Variants in ZBED4 observed in about 807,000 individuals in gnomAD.
ZBED4 encodes the protein zinc finger BED domain-containing protein 4.
In ZBED4, 4 loss-of-function variants were observed where a neutral mutation model predicts 15.5. That is an observed-to-expected ratio of 0.26 (90% confidence interval 0.13 to 0.59). The LOEUF is 0.59. Ranked by LOEUF, ZBED4 falls within the 20% of genes least tolerant of loss-of-function variation. The pLI, the probability that ZBED4 is intolerant of heterozygous loss-of-function variation, is 0.90. For missense variants in ZBED4, 1,323 were observed against 1,461.8 expected, an observed-to-expected ratio of 0.91 and a Z score of 1.55; for synonymous variants, 692 against 608.5, an observed-to-expected ratio of 1.14 and a Z score of -2.02.
intron 1 of ZBED4, among the ~76,000 whole-genome samples, chr22:49,878,567 C>G (rs1439628338): frequency 6.6e-6 from 1 of 152,136 alleles, no homozygotes; most frequent in Non-Finnish European, 1.5e-5. Context: ...AAAAAATGAA[C>G]TTCAATCCTT....
intron 1 of ZBED4, among the ~76,000 whole-genome samples, chr22:49,880,167 C>T (rs2060401237): frequency 2.0e-5 from 3 of 152,136 alleles, no homozygotes. Flanking sequence ...CCTAACACGG[C>T]TTAAAAGAGC....
At chr22:49,872,737 C>T (rs1043718441) in intron 1 of ZBED4, among the ~76,000 whole-genome samples, 4 of 151,592 alleles carry the variant, frequency 2.6e-5, no homozygotes, top group South Asian at 2.1e-4. Context: ...TGGAGACTCA[C>T]TCCATCGCCC....
rs1326445599 is a variant in ZBED4, at chr22:49,887,336, C to A, written c.*158C>A. 2 of 690,154 alleles carry A rather than the reference C, an allele frequency of 2.9e-6. No individual in the cohort carries two copies. Among genetic ancestry groups the A allele is most frequent in the Non-Finnish European group, 4.6e-6 (2 of 434,490 alleles). The allele number at this position is 690,154 out of a possible 1,614,324, so 42.8% of individuals were successfully genotyped here. A position where few individuals can be genotyped will look rare whatever the true frequency, so the allele number is the denominator to read the frequency against. ...CACCACAGTGTCTCCACGTGCCTTA[C>A]CCCTTCTCCTTCAGGCCAAGTTTCG... On this transcript the variant is annotated 3_prime_UTR_variant, in exon 2 of 2. Transcript: ENST00000216268.
rs148873893 is a variant in ZBED4 at position 49,885,741 on chromosome 22, C to T, written c.2079C>T (p.Ser693=). The change falls in exon 2 of 2, where the codon TCC becomes TCT. Residue 693 remains serine, a synonymous_variant. Transcript: ENST00000216268. The part of the protein sequence containing the change: ...RLLEYLKPQY[S]LPAPSYFSRT... ...TTGAATACTTGAAACCTCAGTACTC[C>T]CTCCCCGCCCCTTCCTACTTCTCCA... 58 of 1,601,262 alleles carry T rather than the reference C, an allele frequency of 3.6e-5. No individual in the cohort carries two copies. In the African/African-American group the frequency reaches 5.8e-4, roughly 16 times the overall value.
In ZBED4 at chr22:49,868,114, A is replaced by G. The variant is rs1048514990; in HGVS notation, c.-330+14125A>G. On this transcript the variant is annotated intron_variant, in intron 1 of 1. Coordinates refer to ENST00000216268, the MANE Select transcript of ZBED4 (RefSeq NM_014838.3). ...ATCAGGGACCCACTTACCCATATTCATGGTTTGTCCCTTCCACTTACATTT... is the reference window on the plus strand; with the variant it reads ...ATCAGGGACCCACTTACCCATATTCGTGGTTTGTCCCTTCCACTTACATTT... Among the ~76,000 whole-genome samples, 39 of 152,190 alleles carry G rather than the reference A, an allele frequency of 2.6e-4. 1 individual carries two copies. The highest frequency in any genetic ancestry group is 8.4e-4 in the African/African-American group (35 of 41,446).
At position 49,887,335 on chromosome 22, in the gene ZBED4, AC is replaced by A; in HGVS notation, c.*161del. 1.4e-6 allele frequency: 1 copy of A among 699,542 alleles called. No individual in the cohort carries two copies. Among genetic ancestry groups the A allele is most frequent in the South Asian group, 3.0e-5 (1 of 33,078 alleles). The allele number at this position is 699,542 out of a possible 1,614,324, so 43.3% of individuals were successfully genotyped here. ...TCACCACAGTGTCTCCACGTGCCTT[AC>A]CCCTTCTCCTTCAGGCCAAGTTTCG... On this transcript the variant is annotated 3_prime_UTR_variant, in exon 2 of 2. Transcript: ENST00000216268.
Position 49,884,607 on chromosome 22 carries a change from G to A in ZBED4, c.945G>A (p.Arg315=). ...VCIHCMNEFS[R]GKNGKDLGTS... Reference sequence around the variant, plus strand: ...TTCACTGCATGAACGAGTTCAGCCGGGGGAAGAATGGGAAGGACCTGGGCA... The same window carrying A: ...TTCACTGCATGAACGAGTTCAGCCGAGGGAAGAATGGGAAGGACCTGGGCA... Residue 315 remains arginine, a synonymous_variant, in exon 2 of 2, where the codon CGG becomes CGA. Coordinates refer to ENST00000216268, the MANE Select transcript of ZBED4 (RefSeq NM_014838.3). 1 of 1,612,534 alleles carries A rather than the reference G, an allele frequency of 6.2e-7. No individual in the cohort carries two copies. The highest frequency in any genetic ancestry group is 8.5e-7 in the Non-Finnish European group (1 of 1,179,156).
chr22:49,873,723 A>G (rs1251898957), intron 1 of ZBED4, among the ~76,000 whole-genome samples: 1 of 152,196 alleles, frequency 6.6e-6, no homozygotes, highest in African/African-American at 2.4e-5. Flanking sequence ...TTCCCACCTC[A>G]TCACCCCCAC....
At chr22:49,875,620 C>T (rs1265500604) in intron 1 of ZBED4, among the ~76,000 whole-genome samples, 1 of 151,944 alleles carries the variant, frequency 6.6e-6, no homozygotes, top group African/African-American at 2.4e-5. Context: ...AGGGTTTCAC[C>T]ATGTTGGCCA....
At chr22:49,861,056 A>C (rs1297921527) in intron 1 of ZBED4, among the ~76,000 whole-genome samples, 1 of 151,770 alleles carries the variant, frequency 6.6e-6, no homozygotes, top group Non-Finnish European at 1.5e-5. Flanking sequence ...GATAATGGGC[A>C]TGAGCCACCA....
rs2060460125 is a variant in ZBED4 at position 49,890,030 on chromosome 22, A to G, written c.*2852A>G. 6.0e-6 allele frequency: 1 copy of G among 167,096 alleles called. No individual in the cohort carries two copies. The allele number at this position is 167,096 out of a possible 1,614,324, so 10.4% of individuals were successfully genotyped here. ...GGGACTTTAAAAAATTTGTGGAAATACTGAAGTAAAAGATGATAAAAAAAT... is the reference window on the plus strand; with the variant it reads ...GGGACTTTAAAAAATTTGTGGAAATGCTGAAGTAAAAGATGATAAAAAAAT... On this transcript the variant is annotated 3_prime_UTR_variant, in exon 2 of 2. Transcript: ENST00000216268.
rs749701905 is a variant in ZBED4 at position 49,885,079 on chromosome 22, C to T, written c.1417C>T (p.Leu473Phe). The T allele has an allele frequency of 1.9e-6, 3 of 1,613,182 alleles. No individual in the cohort carries two copies. The highest frequency in any genetic ancestry group is 1.1e-5 in the South Asian group (1 of 90,974). Residue 473 changes from leucine to phenylalanine, a missense_variant, in exon 2 of 2, where the codon CTC becomes TTC. Coordinates refer to ENST00000216268, the MANE Select transcript of ZBED4 (RefSeq NM_014838.3). The part of the protein sequence containing the change: ...HHFSLAPMDS[L>F]KAECRYCGCA... ...CTTCTCCCTGGCCCCCATGGACAGC[C>T]TCAAGGCCGAGTGTCGGTACTGCGG...
At position 49,883,627 on chromosome 22, in the gene ZBED4, G is replaced by T; in HGVS notation, c.-36G>T. 1 of 1,487,800 alleles carries T rather than the reference G, an allele frequency of 6.7e-7. No homozygotes were observed. The highest frequency in any genetic ancestry group is 1.5e-5 in the South Asian group (1 of 68,572). 92.2% of individuals were successfully genotyped at this position (1,487,800 alleles called of 1,614,324 possible). A position where few individuals can be genotyped will look rare whatever the true frequency, so the allele number is the denominator to read the frequency against. On this transcript the variant is annotated 5_prime_UTR_variant, in exon 2 of 2. The change abolishes an upstream ATG in the 5' untranslated region. Transcript: ENST00000216268. The stretch of plus-strand genomic sequence containing the variant: ...ATGAGCACTTGGATCAGTGTTTTAT[G>T]AACCTAAGATACAGCCGGAGTAGTT...
At chr22:49,875,416 T>TTA (rs1484486017) in intron 1 of ZBED4, among the ~76,000 whole-genome samples, 6 of 76,806 alleles carry the variant, frequency 7.8e-5, no homozygotes, top group African/African-American at 1.7e-4. Context: ...ATAATTTATT[T>TTA]TCTTTTTTTT....
In ZBED4 at chr22:49,884,319, C is replaced by T. The variant is rs754860089; in HGVS notation, c.657C>T (p.Pro219=). 2.4e-5 allele frequency: 39 copies of T among 1,613,696 alleles called. No homozygotes were observed. Among genetic ancestry groups the T allele is most frequent in the Admixed American group, 1.7e-5 (1 of 59,958 alleles). The change falls in exon 2 of 2, where the codon CCC becomes CCT. Residue 219 remains proline, a synonymous_variant. Coordinates refer to ENST00000216268, the MANE Select transcript of ZBED4 (RefSeq NM_014838.3). ...VQKVASKIPS[P]DRITEESVSV... is the part of the protein sequence containing the mutation. ...AAGTGGCGTCTAAGATCCCGTCCCC[C>T]GATCGAATAACAGAGGAGTCTGTGT... is the stretch of plus-strand genomic sequence containing the variant.
intron 1 of ZBED4, among the ~76,000 whole-genome samples, chr22:49,880,713 C>T (rs1374582943): frequency 6.6e-6 from 1 of 152,126 alleles, no homozygotes; most frequent in Non-Finnish European, 1.5e-5. Flanking sequence ...TTATTTATTC[C>T]TGATTCTTTG....
At position 49,858,938 on chromosome 22, in the gene ZBED4, G is replaced by A. The variant is rs552333309; in HGVS notation, c.-330+4949G>A. On this transcript the variant is annotated intron_variant, in intron 1 of 1. Transcript: ENST00000216268. ...ATACAGGGGCACGTTTGGGGCGCAGGTGATGCTGTGTGCTGCACTGTGGGC... is the reference window on the plus strand; with the variant it reads ...ATACAGGGGCACGTTTGGGGCGCAGATGATGCTGTGTGCTGCACTGTGGGC... Among the ~76,000 whole-genome samples, 17 of 152,306 alleles carry A rather than the reference G, an allele frequency of 1.1e-4. No individual in the cohort carries two copies. In the East Asian group the frequency reaches 3.3e-3, roughly 29 times the overall value.
intron 1 of ZBED4, among the ~76,000 whole-genome samples, chr22:49,870,585 G>A (rs1168428345): frequency 2.0e-5 from 3 of 152,040 alleles, no homozygotes; most frequent in African/African-American, 7.3e-5. Context: ...TGTTGATGTC[G>A]AGCATTTTTT....
chr22:49,864,820 C>CAA (rs71196384), intron 1 of ZBED4, among the ~76,000 whole-genome samples: 943 of 66,984 alleles, frequency 0.014, 78 homozygotes, highest in Middle Eastern at 0.024. Flanking sequence ...ACCCTGTCTC[C>CAA]AAAAAAAAAA....
Sources: gnomAD v4.1 joint callset for allele counts (sites outside exome capture counted in the v4.1 genomes callset) on GRCh38, gnomAD v4.1.1 for gene constraint, MANE v1.5 for transcripts, NCBI Gene and HGNC (gene_info 2026-07-23, HGNC 2026-07-21) for gene names.